Variants in HORMAD1 observed in about 807,000 individuals in gnomAD.
The protein encoded by HORMAD1 is HORMA domain containing 1, also known as HORMA domain-containing protein 1.
Under a neutral mutation model 58.2 loss-of-function variants are expected in HORMAD1, and 33 were observed. The ratio of observed to expected loss-of-function variants is 0.57; its 90% confidence interval spans 0.43 to 0.76. The LOEUF (loss-of-function observed/expected upper bound fraction) is 0.76, where lower values mean the gene tolerates loss of function less well. Ranked by LOEUF, HORMAD1 falls within the 30% of genes least tolerant of loss-of-function variation. The pLI, the probability that HORMAD1 is intolerant of heterozygous loss-of-function variation, is 0.00. For synonymous variants in HORMAD1, 137 were observed against 144.6 expected, an observed-to-expected ratio of 0.95 and a Z score of 0.38; for missense variants, 363 against 462.0, an observed-to-expected ratio of 0.79 and a Z score of 1.96.
At chr1:150,716,409 C>T (rs1652079406) in intron 3 of HORMAD1, among the ~76,000 whole-genome samples, 1 of 151,332 alleles carries the variant, frequency 6.6e-6, no homozygotes, top group African/African-American at 2.4e-5. Context: ...ATCCGCCCGC[C>T]TCGGCCTCCC....
intron 10 of HORMAD1, among the ~76,000 whole-genome samples, chr1:150,705,786 T>A (rs1651673688): frequency 6.6e-6 from 1 of 152,180 alleles, no homozygotes; most frequent in African/African-American, 2.4e-5. Flanking sequence ...TTGATTGAAT[T>A]TTCTATGTGT....
At chr1:150,716,585 G>T (rs1652084344) in intron 3 of HORMAD1, among the ~76,000 whole-genome samples, 1 of 152,110 alleles carries the variant, frequency 6.6e-6, no homozygotes. Context: ...AGTGCCTTAA[G>T]GGGTATGGAG....
At chr1:150,715,235 T>C (rs1652033542) in intron 3 of HORMAD1, among the ~76,000 whole-genome samples, 1 of 152,154 alleles carries the variant, frequency 6.6e-6, no homozygotes, top group South Asian at 2.1e-4. Flanking sequence ...CATAAAAAAC[T>C]TATAGAATCC....
In HORMAD1 at chr1:150,717,302, A is replaced by G. The variant is rs768721951; in HGVS notation, c.34-20T>C. 2.1e-6 allele frequency: 3 copies of G among 1,422,024 alleles called. No individual in the cohort carries two copies. In the East Asian group the frequency reaches 7.4e-5, roughly 35 times the overall value. The allele number at this position is 1,422,024 out of a possible 1,614,324, so 88.1% of individuals were successfully genotyped here. On this transcript the variant is annotated intron_variant, in intron 2 of 14. Coordinates refer to ENST00000361824, the MANE Select transcript of HORMAD1 (RefSeq NM_032132.5). ...TGCACTCTAAAATTCAAGGGAAAGT[A>G]GAACACTTTATTTAAATTTATTAAA...
chr1:150,720,077 T>TATATATATAC (rs1652202864), intron 1 of HORMAD1, among the ~76,000 whole-genome samples: 1 of 77,036 alleles, frequency 1.3e-5, no homozygotes, highest in Non-Finnish European at 3.0e-5. Context: ...TATATATATA[T>TATATATATAC]ACAATTTTTT....
intron 3 of HORMAD1, among the ~76,000 whole-genome samples, chr1:150,715,740 A>G (rs1041053311): frequency 6.6e-6 from 1 of 151,756 alleles, no homozygotes; most frequent in Admixed American, 6.6e-5. Context: ...TGGCTGTATT[A>G]TTTTTACTTC....
In HORMAD1 at chr1:150,713,795, T is replaced by C. The variant is rs1651977371; in HGVS notation, c.279+290A>G. The C allele has an allele frequency of 1.5e-5, 4 of 267,206 alleles. No individual in the cohort carries two copies. The East Asian group carries it at 3.7e-4, about 24-fold the overall frequency. 16.6% of individuals were successfully genotyped at this position (267,206 alleles called of 1,614,324 possible). On this transcript the variant is annotated intron_variant, in intron 5 of 14. Transcript: ENST00000361824. ...GCATGTGAAACTAATGAATAAACTA[T>C]TTGAAAAGACTCTTTAATTCATTAA...
At chr1:150,699,629 A>G (rs1268874772) in intron 14 of HORMAD1, among the ~76,000 whole-genome samples, 1 of 151,074 alleles carries the variant, frequency 6.6e-6, no homozygotes, top group Non-Finnish European at 1.5e-5. Flanking sequence ...GGTTCAAGCG[A>G]TTCTCCTGCC....
chr1:150,701,902 C>T lies in HORMAD1; in HGVS notation c.1032+1408G>A, dbSNP rs587728095. 6.6e-5 allele frequency: 10 copies of T among 152,162 alleles called. No individual in the cohort carries two copies. The East Asian group carries it at 7.7e-4, about 12-fold the overall frequency. The allele number at this position is 152,162 out of a possible 1,614,324, so 9.4% of individuals were successfully genotyped here. ...AGCAGCACATATGCTAAAATTAGAA[C>T]GATATAGAGAAGATTAGCATGTCCC... On this transcript the variant is annotated intron_variant, in intron 13 of 14. Transcript: ENST00000361824.
chr1:150,698,899 T>G, intron 14 of HORMAD1, 165 bp from the exon 15 acceptor site: 3 of 478,632 alleles, frequency 6.3e-6, no homozygotes, highest in Non-Finnish European at 1.1e-5. Context: ...GTAAAATTTA[T>G]TATTAACATC....
chr1:150,713,529 C>A (rs948653361), intron 5 of HORMAD1, among the ~76,000 whole-genome samples: 1 of 151,676 alleles, frequency 6.6e-6, no homozygotes, highest in African/African-American at 2.4e-5. Context: ...GAGCAAGACT[C>A]CATCTCAAAA....
Position 150,704,198 on chromosome 1 carries a change from TAAAAAA to T in HORMAD1, c.872-10_872-5del. The T allele has an allele frequency of 2.1e-6, 3 of 1,426,896 alleles. No individual in the cohort carries two copies. Among genetic ancestry groups the T allele is most frequent in the South Asian group, 1.3e-5 (1 of 76,098 alleles). The allele number at this position is 1,426,896 out of a possible 1,614,324, so 88.4% of individuals were successfully genotyped here. A position where few individuals can be genotyped will look rare whatever the true frequency, so the allele number is the denominator to read the frequency against. ...TCCTCACAAACTAAACTTGGTTCTG[TAAAAAA>T]AAAAAAAAAAAGTTACCCGGGTATA... On this transcript the variant is annotated splice_polypyrimidine_tract_variant and splice_region_variant and intron_variant, in intron 11 of 14. Transcript: ENST00000361824.
chr1:150,713,535 C>CA (rs1001099714), intron 5 of HORMAD1, among the ~76,000 whole-genome samples: 79 of 142,898 alleles, frequency 5.5e-4, no homozygotes, highest in Middle Eastern at 3.6e-3. Flanking sequence ...GACTCCATCT[C>CA]AAAAAAAAAA....
chr1:150,719,711 G>A (rs1652188599), intron 1 of HORMAD1, among the ~76,000 whole-genome samples, 173 bp from the exon 2 acceptor site: 1 of 152,104 alleles, frequency 6.6e-6, no homozygotes, highest in African/African-American at 2.4e-5. Flanking sequence ...ATTTTGAGTA[G>A]GGTCCTGATT....
intron 3 of HORMAD1, among the ~76,000 whole-genome samples, chr1:150,716,691 C>T (rs1195541427): frequency 2.0e-5 from 3 of 150,784 alleles, no homozygotes; most frequent in African/African-American, 4.9e-5. Flanking sequence ...GGGCCGGGCG[C>T]GGTGGCTCAC....
intron 2 of HORMAD1, among the ~76,000 whole-genome samples, chr1:150,717,526 TAAAA>T (rs1652120588): frequency 3.3e-5 from 5 of 152,114 alleles, no homozygotes; most frequent in African/African-American, 9.6e-5. Flanking sequence ...TTTTTATTTT[TAAAA>T]AAATTGAGAC....
chr1:150,704,519 G>C (rs1229006599), intron 10 of HORMAD1, among the ~76,000 whole-genome samples, 176 bp from the exon 11 acceptor site: 1 of 152,182 alleles, frequency 6.6e-6, no homozygotes, highest in East Asian at 1.9e-4. Context: ...GCCATGGAGG[G>C]AGGATTGCTT....
At chr1:150,703,176 G>A (rs587704961) in intron 13 of HORMAD1, 134 bp downstream of exon 13, 2 of 599,724 alleles carry the variant, frequency 3.3e-6, no homozygotes, top group East Asian at 6.1e-5. Flanking sequence ...TATATCCTAA[G>A]CACCTAGTAA....
intron 10 of HORMAD1, among the ~76,000 whole-genome samples, chr1:150,704,869 C>T (rs1310878258): frequency 6.6e-6 from 1 of 151,996 alleles, no homozygotes; most frequent in African/African-American, 2.4e-5. Context: ...ATGGTGAAAT[C>T]TCGTCTCTAC....
Sources: gnomAD v4.1 joint callset for allele counts (sites outside exome capture counted in the v4.1 genomes callset) on GRCh38, gnomAD v4.1.1 for gene constraint, MANE v1.5 for transcripts, NCBI Gene and HGNC (gene_info 2026-07-23, HGNC 2026-07-21) for gene names.